The following NKD1 variants were observed in gnomAD, a reference collection of about 807,000 sequenced individuals.
The protein encoded by NKD1 is protein naked cuticle homolog 1.
NKD1 carries 21 observed loss-of-function variants against 56.0 expected under a neutral mutation model. The ratio of observed to expected loss-of-function variants is 0.38; its 90% CI spans 0.27 to 0.54. The LOEUF (loss-of-function observed/expected upper bound fraction) is 0.54, where lower values mean the gene tolerates loss of function less well. NKD1 is among the 20% of genes least tolerant of loss of function. The probability of loss-of-function intolerance (pLI) is 0.82; values close to 1 mark genes in which losing one functional copy is unlikely to be tolerated. For missense variants in NKD1, 578 were observed against 642.7 expected, an observed-to-expected ratio of 0.90 and a Z score of 1.09; for synonymous variants, 263 against 265.7, an observed-to-expected ratio of 0.99 and a Z score of 0.10.
In NKD1 at chr16:50,633,706, G is replaced by A. The variant is rs1473448472; in HGVS notation, c.1338G>A (p.Gly446=). 5.7e-6 allele frequency: 9 copies of A among 1,588,334 alleles called. No homozygotes were observed. The highest frequency in any genetic ancestry group is 1.1e-5 in the South Asian group (1 of 88,014). Residue 446 remains glycine (G), a synonymous_variant, in exon 10 of 10, where the codon GGG becomes GGA. Transcript: ENST00000268459. The surrounding 1 kb of genome is among the most constrained non-coding windows in gnomAD (Gnocchi z 4.9). ...PALVVYESQA[G]QPVQRHEHHH... is the part of the protein sequence containing the mutation. ...TGGTGGTGTATGAGAGCCAGGCCGG[G>A]CAGCCGGTCCAGAGACATGAGCACC...
In NKD1 at chr16:50,598,671, C is replaced by T. The variant is rs2151273387; in HGVS notation, c.193-9623C>T. 6.6e-6 allele frequency among the ~76,000 whole-genome samples: 1 copy of T among 152,338 alleles called. No individual in the cohort carries two copies. Among genetic ancestry groups the T allele is most frequent in the East Asian group, 1.9e-4 (1 of 5,172 alleles). On this transcript the variant is annotated intron_variant, in intron 3 of 9. Transcript: ENST00000268459. The surrounding 1 kb of genome is among the most constrained non-coding windows in gnomAD (Gnocchi z 4.2). ...AGCTGCTTGGTGATCAGAGGCACGC[C>T]ACAGGCCCTCGGGCCTCTCCTCTTA...
In NKD1 at chr16:50,645,155, C is replaced by T. The variant is rs1345095861; in HGVS notation, c.*11374C>T. ...TATGTGTCAGGAACCATGCTCAGCACTCGATAAAACAGACATCATCTCTAC... is the reference window on the plus strand; with the variant it reads ...TATGTGTCAGGAACCATGCTCAGCATTCGATAAAACAGACATCATCTCTAC... On this transcript the variant is annotated 3_prime_UTR_variant, in exon 10 of 10. Transcript: ENST00000268459. 1 of 152,222 alleles carries T rather than the reference C, an allele frequency of 6.6e-6. No individual in the cohort carries two copies. The highest frequency in any genetic ancestry group is 2.4e-5 in the African/African-American group (1 of 41,446). 9.4% of individuals were successfully genotyped at this position (152,222 alleles called of 1,614,324 possible).
In NKD1 at chr16:50,633,240, A is replaced by G. The variant is rs771587713; in HGVS notation, c.872A>G (p.Asn291Ser). The G allele has an allele frequency of 6.2e-6, 10 of 1,613,518 alleles. No homozygotes were observed. Among genetic ancestry groups the G allele is most frequent in the South Asian group, 5.5e-5 (5 of 91,056 alleles). The change falls in exon 10 of 10, where the codon AAT (asparagine) becomes AGT (serine). Residue 291 changes from asparagine to serine, a missense_variant. By Grantham distance (46) the Asn-to-Ser change is conservative. Transcript: ENST00000268459. The surrounding 1 kb of genome is among the most constrained non-coding windows in gnomAD (Gnocchi z 4.9). ...QKSELPPRTS[N>S]PTRSRSHEPE... ...TCAGAACTGCCCCCCCGCACCTCCAATCCCACTCGATCTCGCTCCCATGAG... is the reference window on the plus strand; with the variant it reads ...TCAGAACTGCCCCCCCGCACCTCCAGTCCCACTCGATCTCGCTCCCATGAG...
intron 3 of NKD1, among the ~76,000 whole-genome samples, chr16:50,592,328 T>G (rs866265405): frequency 6.6e-6 from 1 of 152,192 alleles, no homozygotes; most frequent in Non-Finnish European, 1.5e-5. Context: ...CTGGGCCCAC[T>G]GGGGGTGGGT....
intron 3 of NKD1, chr16:50,553,585 T>C (rs1483715778): frequency 6.6e-6 from 1 of 152,196 alleles, no homozygotes; most frequent in Admixed American, 6.5e-5. Flanking sequence ...TCCAAGGGAA[T>C]TACCCTTGAA....
intron 3 of NKD1, among the ~76,000 whole-genome samples, chr16:50,564,083 C>G (rs1046799260): frequency 7.9e-5 from 12 of 152,274 alleles, no homozygotes; most frequent in African/African-American, 2.7e-4. Context: ...AGCTCTCCCC[C>G]ACAGGAAGTA....
rs762725711 is a variant in NKD1 at position 50,623,238 on chromosome 16, C to T, written c.366+1530C>T. On this transcript the variant is annotated intron_variant, in intron 5 of 9. Coordinates refer to ENST00000268459, the MANE Select transcript of NKD1 (RefSeq NM_033119.5). This position sits in a 1 kb window ranked among gnomAD's most constrained non-coding sequence, Gnocchi z 4.1. The stretch of plus-strand genomic sequence containing the variant: ...TCTGGTGACCGATCTTACCCCCTTT[C>T]CAGTGTCATCTCCCTGCCATGCCCC... Among the ~76,000 whole-genome samples, 2 of 151,720 alleles carry T rather than the reference C, an allele frequency of 1.3e-5. No individual in the cohort carries two copies. Among genetic ancestry groups the T allele is most frequent in the Non-Finnish European group, 2.9e-5 (2 of 67,916 alleles).
In NKD1 at chr16:50,640,935, G is replaced by A. The variant is rs1213598296; in HGVS notation, c.*7154G>A. On this transcript the variant is annotated 3_prime_UTR_variant, in exon 10 of 10. Coordinates refer to ENST00000268459, the MANE Select transcript of NKD1 (RefSeq NM_033119.5). ...AAAGTTTGGTCAGCCACACATTGTA[G>A]TAGGGCTAGAATTTTTCTTCCCATT... is the stretch of plus-strand genomic sequence containing the variant. 6.6e-6 allele frequency: 1 copy of A among 152,198 alleles called. No homozygotes were observed. Among genetic ancestry groups the A allele is most frequent in the African/African-American group, 2.4e-5 (1 of 41,430 alleles). 9.4% of individuals were successfully genotyped at this position (152,198 alleles called of 1,614,324 possible).
rs1193076823 is a variant in NKD1 at position 50,598,226 on chromosome 16, A to ACT, written c.193-10065_193-10064dup. On this transcript the variant is annotated intron_variant, in intron 3 of 9. Transcript: ENST00000268459. This position sits in a 1 kb window ranked among gnomAD's most constrained non-coding sequence, Gnocchi z 4.2. ...GGGCACTGCAGGGCCGCATGGGTGG[A>ACT]CTCTGTGTGTGTGTGTGTGTGTGTG... 9.1e-6 allele frequency among the ~76,000 whole-genome samples: 1 copy of ACT among 110,254 alleles called. No individual in the cohort carries two copies. The highest frequency in any genetic ancestry group is 1.7e-5 in the Non-Finnish European group (1 of 57,500). 72.3% of individuals were successfully genotyped at this position (110,254 alleles called of 152,430 possible). A position where few individuals can be genotyped will look rare whatever the true frequency, so the allele number is the denominator to read the frequency against.
intron 3 of NKD1, among the ~76,000 whole-genome samples, chr16:50,572,099 A>G (rs1467203290): frequency 6.6e-6 from 1 of 152,052 alleles, no homozygotes; most frequent in Non-Finnish European, 1.5e-5. Context: ...GAGCTCTCAC[A>G]TGTGCCTTGG....
At chr16:50,558,908 TCAAACAAA>T (rs3037656) in intron 3 of NKD1, among the ~76,000 whole-genome samples, 24 of 151,270 alleles carry the variant, frequency 1.6e-4, no homozygotes, top group Non-Finnish European at 2.7e-4. Flanking sequence ...AAACTCTGTC[TCAAACAAA>T]CAAACAAACA....
intron 4 of NKD1, chr16:50,616,220 T>G (rs1356805489): frequency 5.5e-6 from 2 of 363,582 alleles, no homozygotes; most frequent in East Asian, 1.6e-4. Context: ...TACATTGTAT[T>G]CACTGAGAAG....
At position 50,625,487 on chromosome 16, in the gene NKD1, G is replaced by C. The variant is rs999532224; in HGVS notation, c.369G>C (p.Glu123Asp). 6.2e-7 allele frequency: 1 copy of C among 1,608,362 alleles called. No individual in the cohort carries two copies. The highest frequency in any genetic ancestry group is 1.3e-5 in the African/African-American group (1 of 74,842). ...PGSKKQLKFE[E>D]LQCDVSMEED... ...CCCGCCCATCTCTCTGCATCCAGGAGCTCCAGTGCGACGTGTCCATGGAGG... is the reference window on the plus strand; with the variant it reads ...CCCGCCCATCTCTCTGCATCCAGGACCTCCAGTGCGACGTGTCCATGGAGG... Residue 123 changes from glutamate to aspartate, a missense_variant and splice_region_variant, in exon 6 of 10, where the codon GAG (glutamate) becomes GAC (aspartate). By Grantham distance (45) the Glu-to-Asp change is conservative (BLOSUM62 2). Transcript: ENST00000268459.
At position 50,647,755 on chromosome 16, in the gene NKD1, A is replaced by G. The variant is rs908033846; in HGVS notation, c.*13974A>G. The G allele has an allele frequency of 3.9e-5, 6 of 152,286 alleles. No individual in the cohort carries two copies. In the South Asian group the frequency reaches 1.0e-3, roughly 26 times the overall value. 9.4% of individuals were successfully genotyped at this position (152,286 alleles called of 1,614,324 possible). On this transcript the variant is annotated 3_prime_UTR_variant, in exon 10 of 10. Transcript: ENST00000268459. ...GGACCAGCAAACAGAAATGATTCCTACAGGGGATACAAGCCAGGCACAGGC... is the reference window on the plus strand; with the variant it reads ...GGACCAGCAAACAGAAATGATTCCTGCAGGGGATACAAGCCAGGCACAGGC...
chr16:50,602,098 C>T (rs879684707), intron 3 of NKD1, among the ~76,000 whole-genome samples: 10 of 152,238 alleles, frequency 6.6e-5, no homozygotes, highest in East Asian at 5.8e-4. Flanking sequence ...TTCAGCCTGC[C>T]GAGCTTGTAG....
chr16:50,640,310 GTTC>G lies in NKD1; in HGVS notation c.*6534_*6536del, dbSNP rs1567359071. 6.6e-6 allele frequency: 1 copy of G among 152,262 alleles called. No individual in the cohort carries two copies. Among genetic ancestry groups the G allele is most frequent in the Non-Finnish European group, 1.5e-5 (1 of 68,082 alleles). 9.4% of individuals were successfully genotyped at this position (152,262 alleles called of 1,614,324 possible). ...CATCCCCAAGCCCTGGCATCCCCCT[GTTC>G]TTCTAAAATAATTCTTTTCTAGGTA... On this transcript the variant is annotated 3_prime_UTR_variant, in exon 10 of 10. Transcript: ENST00000268459.
intron 3 of NKD1, among the ~76,000 whole-genome samples, chr16:50,595,562 G>A (rs1961454988): frequency 2.0e-5 from 3 of 152,104 alleles, no homozygotes; most frequent in Non-Finnish European, 2.9e-5. Flanking sequence ...TTCCTCTCGG[G>A]AGTGCTCCGT....
chr16:50,558,020 C>T (rs564249153), intron 3 of NKD1: 1 of 152,374 alleles, frequency 6.6e-6, no homozygotes, highest in African/African-American at 2.4e-5. Flanking sequence ...AACACACACC[C>T]TGCCTCAAGG....
intron 4 of NKD1, among the ~76,000 whole-genome samples, chr16:50,609,306 G>T (rs777185006): frequency 2.0e-5 from 3 of 152,264 alleles, no homozygotes; most frequent in Admixed American, 6.5e-5. Flanking sequence ...TTGGCTCCCA[G>T]AGTTGGTGCC....
Sources: allele counts gnomAD v4.1 joint callset (sites outside exome capture counted in the v4.1 genomes callset), GRCh38; gene constraint gnomAD v4.1.1; non-coding constraint Gnocchi (gnomAD v3.1); transcripts MANE v1.5; gene names NCBI Gene and HGNC (gene_info 2026-07-23, HGNC 2026-07-21).